The following COL4A2 variants were observed in gnomAD, a reference collection of about 807,000 sequenced individuals.
COL4A2 encodes the protein collagen alpha-2(IV) chain.
COL4A2 carries 99 observed loss-of-function variants against 200.2 expected under a neutral mutation model. The observed-to-expected ratio is 0.49, with a 90% CI of 0.42 to 0.58. The LOEUF (loss-of-function observed/expected upper bound fraction) is 0.58. Among genes scored for constraint, COL4A2 ranks in the 20% least tolerant of loss-of-function variants. The pLI, the probability that COL4A2 is intolerant of heterozygous loss-of-function variation, is 0.00. For missense variants in COL4A2, 1,950 were observed against 2,314.1 expected, an observed-to-expected ratio of 0.84 and a Z score of 3.23; for synonymous variants, 897 against 900.6, an observed-to-expected ratio of 1.00 and a Z score of 0.07.
rs1222564326 is a variant in COL4A2, at chr13:110,493,371, A to AT, written c.3634+90dup. ...GAGTCTGCCCTCCAGACTTCAGGGAATGGAGGGTCTCAGAGAGCAGGGTGG... is the reference window on the plus strand; with the variant it reads ...GAGTCTGCCCTCCAGACTTCAGGGAATTGGAGGGTCTCAGAGAGCAGGGTGG... On this transcript the variant is annotated intron_variant, in intron 39 of 47. Coordinates refer to ENST00000360467, the MANE Select transcript of COL4A2 (RefSeq NM_001846.4). 4 of 1,389,658 alleles carry AT rather than the reference A, an allele frequency of 2.9e-6. No individual in the cohort carries two copies. The East Asian group carries it at 7.0e-5, about 24-fold the overall frequency. 86.1% of individuals were successfully genotyped at this position (1,389,658 alleles called of 1,614,324 possible).
At chr13:110,345,327 C>A (rs1876647631) in intron 3 of COL4A2, among the ~76,000 whole-genome samples, 1 of 152,230 alleles carries the variant, frequency 6.6e-6, no homozygotes, top group African/African-American at 2.4e-5. Context: ...AGTGATTAAG[C>A]ATTCCGCTGT....
intron 3 of COL4A2, among the ~76,000 whole-genome samples, chr13:110,309,059 C>G (rs896448690): frequency 6.6e-6 from 1 of 152,168 alleles, no homozygotes. Flanking sequence ...CTCCTCAGCG[C>G]GCACTGTGCC....
intron 43 of COL4A2, 63 bp from the exon 44 acceptor site, chr13:110,503,784 A>G: frequency 6.3e-7 from 1 of 1,591,376 alleles, no homozygotes; most frequent in Non-Finnish European, 8.6e-7. Flanking sequence ...ACGCAGTAGC[A>G]CTCGGAGCAA....
At chr13:110,430,475 T>C (rs752167352) in intron 9 of COL4A2, 39 bp downstream of exon 9, 1 of 1,614,090 alleles carries the variant, frequency 6.2e-7, no homozygotes, top group Non-Finnish European at 8.5e-7. Context: ...CAAACAAAAG[T>C]TTAAGAGCTT....
At chr13:110,460,698 G>A (rs547919320) in intron 22 of COL4A2, among the ~76,000 whole-genome samples, 118 of 152,264 alleles carry the variant, frequency 7.7e-4, no homozygotes, top group African/African-American at 2.8e-3. Flanking sequence ...AGACCATTTG[G>A]GAGTTTTTTG....
At chr13:110,380,772 G>GTGTCACACCCACGGGCTCTA (rs1739284415) in intron 4 of COL4A2, among the ~76,000 whole-genome samples, 3 of 133,108 alleles carry the variant, frequency 2.3e-5, no homozygotes. Context: ...CATGGGCTCT[G>GTGTCACACCCACGGGCTCTA]TGTCACACCC....
chr13:110,439,942 C>T (rs1043008693), intron 16 of COL4A2, 109 bp downstream of exon 16: 11 of 1,470,856 alleles, frequency 7.5e-6, no homozygotes, highest in East Asian at 2.5e-5. Context: ...CAGAAAAAAA[C>T]ATTGAAAATG....
chr13:110,364,001 T>C (rs1251899771), intron 4 of COL4A2, among the ~76,000 whole-genome samples: 1 of 152,212 alleles, frequency 6.6e-6, no homozygotes, highest in East Asian at 1.9e-4. Context: ...GCACCCGGCC[T>C]CTGTCTTAGT....
chr13:110,480,209 C>T lies in COL4A2; in HGVS notation c.2588-11C>T, dbSNP rs9521803. ...TGTCCACCCTGTTTGATTTGCTCCT[C>T]TTCCTGACAGGTCTGCCTGGTGATA... is the stretch of plus-strand genomic sequence containing the variant. On this transcript the variant is annotated splice_polypyrimidine_tract_variant and intron_variant, in intron 30 of 47. Transcript: ENST00000360467. 476,482 of 1,581,508 alleles carry T rather than the reference C, an allele frequency of 0.3. 74,393 individuals are homozygous for T. Among genetic ancestry groups the T allele is most frequent in the East Asian group, 0.37 (16,446 of 44,144 alleles).
At chr13:110,369,417 A>G (rs1462877054) in intron 4 of COL4A2, among the ~76,000 whole-genome samples, 3 of 152,168 alleles carry the variant, frequency 2.0e-5, no homozygotes, top group African/African-American at 7.2e-5. Flanking sequence ...AAGTATGTGC[A>G]GATATTTGAA....
rs369924919 is a variant in COL4A2, at chr13:110,388,064, A to G, written c.180+30512A>G. Among the ~76,000 whole-genome samples the G allele has an allele frequency of 1.5e-4, 23 of 152,330 alleles. No individual in the cohort carries two copies. The East Asian group carries it at 4.4e-3, about 29-fold the overall frequency. ...ATGATGATTATGTTAAGAAGACTTG[A>G]CAGTGCCACCTTTAGAGGGAAACGC... On this transcript the variant is annotated intron_variant, in intron 4 of 47. Transcript: ENST00000360467.
At chr13:110,405,534 C>T (rs1594195095) in intron 4 of COL4A2, among the ~76,000 whole-genome samples, 1 of 151,486 alleles carries the variant, frequency 6.6e-6, no homozygotes, top group Non-Finnish European at 1.5e-5. Context: ...AAAACTTACA[C>T]CATGAGGGGA....
chr13:110,323,066 T>G (rs1017390217), intron 3 of COL4A2, among the ~76,000 whole-genome samples: 1 of 152,230 alleles, frequency 6.6e-6, no homozygotes, highest in Non-Finnish European at 1.5e-5. Context: ...GCCTGGGCAC[T>G]GTTGCACAGT....
At chr13:110,321,178 ATGTG>A (rs10602824) in intron 3 of COL4A2, among the ~76,000 whole-genome samples, 13 of 149,834 alleles carry the variant, frequency 8.7e-5, no homozygotes, top group African/African-American at 2.2e-4. Context: ...TATAGTGTGC[ATGTG>A]TGTGTGTGTG....
intron 3 of COL4A2, among the ~76,000 whole-genome samples, chr13:110,350,230 G>A (rs776708630): frequency 8.0e-4 from 122 of 152,272 alleles, no homozygotes; most frequent in Middle Eastern, 3.4e-3. Flanking sequence ...GTAATCTAAG[G>A]TTTCTGGAAA....
chr13:110,385,234 C>G (rs1347420527), intron 4 of COL4A2, among the ~76,000 whole-genome samples: 1 of 151,796 alleles, frequency 6.6e-6, no homozygotes, highest in African/African-American at 2.4e-5. Flanking sequence ...TGCACTCCAG[C>G]CTGGGCAACA....
Position 110,417,513 on chromosome 13 carries a change from C to A in COL4A2, c.181-7221C>A, listed in dbSNP as rs979215423. Among the ~76,000 whole-genome samples the A allele has an allele frequency of 5.9e-5, 9 of 152,114 alleles. No homozygotes were observed. In the East Asian group the frequency reaches 1.7e-3, roughly 29 times the overall value. On this transcript the variant is annotated intron_variant, in intron 4 of 47. Coordinates refer to ENST00000360467, the MANE Select transcript of COL4A2 (RefSeq NM_001846.4). ...AGGTTATTGAGGCATAATTGACATG[C>A]AAGTCATTGAATATTGACAAATGTA...
chr13:110,407,515 A>C (rs1277201968), intron 4 of COL4A2, among the ~76,000 whole-genome samples: 2 of 152,270 alleles, frequency 1.3e-5, no homozygotes, highest in African/African-American at 2.4e-5. Flanking sequence ...CCCGAGTTTC[A>C]CTCTGCAGGG....
At chr13:110,325,921 C>T (rs1202402902) in intron 3 of COL4A2, among the ~76,000 whole-genome samples, 1 of 152,018 alleles carries the variant, frequency 6.6e-6, no homozygotes, top group African/African-American at 2.4e-5. Context: ...GTAGCTGGGA[C>T]TACAGGCGTG....
Sources: allele counts gnomAD v4.1 joint callset (sites outside exome capture counted in the v4.1 genomes callset), GRCh38; gene constraint gnomAD v4.1.1; transcripts MANE v1.5; gene names NCBI Gene and HGNC (gene_info 2026-07-23, HGNC 2026-07-21).